The following FAM228B variants were observed in gnomAD, a reference collection of about 807,000 sequenced individuals.
The protein encoded by FAM228B is protein FAM228B.
In FAM228B, 38 loss-of-function variants were observed where a neutral mutation model predicts 42.6. That is an observed-to-expected ratio of 0.89 (90% CI 0.69 to 1.17). The LOEUF (loss-of-function observed/expected upper bound fraction) is 1.17. FAM228B is among the 50% of genes most tolerant of loss of function. FAM228B has a pLI of 0.00. For missense variants in FAM228B, 344 were observed against 367.3 expected (o/e 0.94, Z 0.52); for synonymous variants, 109 against 122.3 (o/e 0.89, Z 0.72).
chr2:24,140,314 T>C (rs1666713551), intron 5 of FAM228B, among the ~76,000 whole-genome samples: 3 of 152,270 alleles, frequency 2.0e-5, no homozygotes, highest in African/African-American at 7.2e-5. Context: ...GTAGCTGTGA[T>C]TACAGGCGTG....
chr2:24,126,598 C>T (rs1288399774), intron 2 of FAM228B, among the ~76,000 whole-genome samples: 1 of 151,140 alleles, frequency 6.6e-6, no homozygotes, highest in East Asian at 1.9e-4. Context: ...ATTTACATGC[C>T]ATAAGATTCA....
At chr2:24,114,710 A>G (rs907183336) in intron 3 of FAM228B, among the ~76,000 whole-genome samples, 37 of 152,154 alleles carry the variant, frequency 2.4e-4, no homozygotes, top group African/African-American at 8.9e-4. Context: ...GTTGTCAGGG[A>G]AAAAAAGATG....
At chr2:24,140,654 A>G (rs1266630188) in intron 5 of FAM228B, among the ~76,000 whole-genome samples, 1 of 152,080 alleles carries the variant, frequency 6.6e-6, no homozygotes, top group Non-Finnish European at 1.5e-5. Flanking sequence ...ATATTGTACA[A>G]TAGATCTCTA....
At chr2:24,122,717 G>T, upstream of FAM228B, 1 of 493,868 alleles carries the variant, frequency 2.0e-6, no homozygotes, top group Non-Finnish European at 3.6e-6. Flanking sequence ...AGTACCCAAA[G>T]AGGAAAACAG....
intron 2 of FAM228B, among the ~76,000 whole-genome samples, chr2:24,124,704 G>A (rs1343665016): frequency 6.6e-6 from 1 of 151,768 alleles, no homozygotes; most frequent in Non-Finnish European, 1.5e-5. Context: ...TTTCTCTTGA[G>A]GTACTGCCTT....
At chr2:24,092,533 C>T (rs965112212) in intron 2 of FAM228B, among the ~76,000 whole-genome samples, 2 of 152,044 alleles carry the variant, frequency 1.3e-5, no homozygotes, top group African/African-American at 2.4e-5. Flanking sequence ...CGAGATCGCG[C>T]CCTGCACTCC....
intron 2 of FAM228B, among the ~76,000 whole-genome samples, chr2:24,081,564 C>T (rs921173093): frequency 1.3e-5 from 2 of 152,168 alleles, no homozygotes; most frequent in African/African-American, 4.8e-5. Context: ...TCTCCATTGG[C>T]TTTTGCATTG....
intron 2 of FAM228B, among the ~76,000 whole-genome samples, chr2:24,094,304 T>C (rs1558368306): frequency 6.6e-6 from 1 of 152,124 alleles, no homozygotes; most frequent in Non-Finnish European, 1.5e-5. Context: ...ACTCCTGGGC[T>C]TAAGTGATCT....
chr2:24,144,267 T>C (rs941684917), intron 5 of FAM228B, among the ~76,000 whole-genome samples: 2 of 151,800 alleles, frequency 1.3e-5, no homozygotes, highest in Non-Finnish European at 2.9e-5. Context: ...TAGGGAGACC[T>C]GTCTCTACAA....
intron 2 of FAM228B, among the ~76,000 whole-genome samples, chr2:24,126,355 T>C (rs777105149): frequency 9.2e-5 from 14 of 152,242 alleles, no homozygotes; most frequent in Non-Finnish European, 1.8e-4. Flanking sequence ...ACTGATTTAT[T>C]GTATGGCCTT....
intron 2 of FAM228B, among the ~76,000 whole-genome samples, chr2:24,082,544 C>G (rs1665049828): frequency 1.3e-5 from 2 of 152,212 alleles, no homozygotes; most frequent in African/African-American, 4.8e-5. Context: ...CTTGACTGGC[C>G]TCTGTGGGAT....
At chr2:24,117,853 A>C (rs950773863) in intron 3 of FAM228B, among the ~76,000 whole-genome samples, 4 of 152,252 alleles carry the variant, frequency 2.6e-5, no homozygotes, top group African/African-American at 9.6e-5. Context: ...TCATAAGACA[A>C]CTGGCTCCTG....
At chr2:24,083,037 G>A in intron 2 of FAM228B, 3 of 1,614,188 alleles carry the variant, frequency 1.9e-6, no homozygotes, top group Non-Finnish European at 2.5e-6. Context: ...AGCCATGGCT[G>A]TGTCCCCGAT....
At position 24,169,403 on chromosome 2, in the gene FAM228B, G is replaced by A. The variant is rs1260270880; in HGVS notation, c.*62G>A. The A allele has an allele frequency of 2.2e-6, 1 of 462,312 alleles. No homozygotes were observed. The highest frequency in any genetic ancestry group is 4.5e-6 in the Non-Finnish European group (1 of 220,158). The allele number at this position is 462,312 out of a possible 1,614,324, so 28.6% of individuals were successfully genotyped here. On this transcript the variant is annotated 3_prime_UTR_variant, in exon 11 of 11. Transcript: ENST00000615575. This position sits in a 1 kb window ranked among gnomAD's most constrained non-coding sequence, Gnocchi z 4.2. The stretch of plus-strand genomic sequence containing the variant: ...CACCCTGATCCTTGATTGGTGAAAG[G>A]ATACACAAAATCAGGCTGCTTCAGA...
chr2:24,109,557 A>G (rs1665754915), intron 3 of FAM228B, among the ~76,000 whole-genome samples: 1 of 152,238 alleles, frequency 6.6e-6, no homozygotes, highest in Non-Finnish European at 1.5e-5. Context: ...CAAAGGTCTA[A>G]TATCCAGAAT....
intron 2 of FAM228B, among the ~76,000 whole-genome samples, chr2:24,132,339 C>T (rs1438831611): frequency 6.6e-6 from 1 of 151,960 alleles, no homozygotes; most frequent in African/African-American, 2.4e-5. Context: ...ATGATGGCCT[C>T]ATACAATGAG....
chr2:24,124,224 G>C (rs572246854), intron 1 of FAM228B, 106 bp from the exon 2 acceptor site: 37 of 587,522 alleles, frequency 6.3e-5, no homozygotes, highest in Middle Eastern at 4.1e-4. Context: ...TGGATGGTTA[G>C]TGTTCAAAAT....
intron 2 of FAM228B, among the ~76,000 whole-genome samples, chr2:24,129,618 C>A (rs1228140332): frequency 6.6e-6 from 1 of 151,980 alleles, no homozygotes; most frequent in East Asian, 1.9e-4. Context: ...CTGCTACTAA[C>A]CCATTGAGGT....
At chr2:24,079,370 C>CT in intron 1 of FAM228B, 1 of 1,511,116 alleles carries the variant, frequency 6.6e-7, no homozygotes, top group Non-Finnish European at 9.0e-7. Context: ...GTAGAGCTTC[C>CT]TTTCTCGGGG....
Sources: allele counts gnomAD v4.1 joint callset (sites outside exome capture counted in the v4.1 genomes callset), GRCh38; gene constraint gnomAD v4.1.1; non-coding constraint Gnocchi (gnomAD v3.1); transcripts MANE v1.5; gene names NCBI Gene and HGNC (gene_info 2026-07-23, HGNC 2026-07-21).